Variants in NTRK1 observed in about 807,000 individuals in gnomAD.
The protein encoded by NTRK1 is high affinity nerve growth factor receptor.
NTRK1 carries 62 observed loss-of-function variants against 86.8 expected under a neutral mutation model. The observed-to-expected ratio is 0.71, with a 90% confidence interval of 0.58 to 0.88. NTRK1 has a LOEUF of 0.88. Ranked by LOEUF, NTRK1 falls within the 40% of genes least tolerant of loss-of-function variation. The pLI is 0.00. For synonymous variants in NTRK1, 469 were observed against 456.6 expected, an observed-to-expected ratio of 1.03 and a Z score of -0.35; for missense variants, 967 against 1,078.4, an observed-to-expected ratio of 0.90 and a Z score of 1.45.
intron 7 of NTRK1, among the ~76,000 whole-genome samples, chr1:156,873,233 A>T (rs1469857590): frequency 6.6e-6 from 1 of 151,766 alleles, no homozygotes; most frequent in East Asian, 1.9e-4. Context: ...ATTTAACTGT[A>T]TATATTTTTG....
intron 2 of NTRK1, chr1:156,845,393 G>A (rs1345045618): frequency 6.4e-7 from 1 of 1,566,042 alleles, no homozygotes; most frequent in South Asian, 1.2e-5. Context: ...CTTGTTGATG[G>A]ACGTCACCTT....
intron 2 of NTRK1, chr1:156,851,686 C>T (rs146358035): frequency 1.5e-5 from 25 of 1,614,078 alleles, no homozygotes; most frequent in Admixed American, 8.3e-5. Context: ...CCTCCACATG[C>T]GTGCAGCCCA....
intron 1 of NTRK1, among the ~76,000 whole-genome samples, chr1:156,822,030 C>T (rs918275338): frequency 2.0e-5 from 3 of 152,142 alleles, no homozygotes; most frequent in Non-Finnish European, 4.4e-5. Flanking sequence ...ACAGCTTTGA[C>T]GTCAGGCAGC....
At chr1:156,870,628 A>C (rs1015651796) in intron 6 of NTRK1, among the ~76,000 whole-genome samples, 3 of 152,214 alleles carry the variant, frequency 2.0e-5, no homozygotes, top group Non-Finnish European at 4.4e-5. Context: ...ACATATTCCA[A>C]TGGAAGCCTG....
At chr1:156,816,574 G>T in intron 1 of NTRK1, 1 of 1,303,066 alleles carries the variant, frequency 7.7e-7, no homozygotes, top group Non-Finnish European at 1.1e-6. Context: ...TTAGGGTGGG[G>T]CCCCTCATCC....
chr1:156,827,828 T>G (rs1241350487), intron 1 of NTRK1, among the ~76,000 whole-genome samples: 1 of 152,248 alleles, frequency 6.6e-6, no homozygotes, highest in Non-Finnish European at 1.5e-5. Flanking sequence ...TCCGTGGGTC[T>G]GCCATGTGTC....
At chr1:156,838,661 G>T (rs1654661202) in intron 1 of NTRK1, among the ~76,000 whole-genome samples, 1 of 152,198 alleles carries the variant, frequency 6.6e-6, no homozygotes, top group Admixed American at 6.5e-5. Flanking sequence ...GACAGCAATA[G>T]AGCTTATTTC....
intron 1 of NTRK1, among the ~76,000 whole-genome samples, chr1:156,832,955 C>T (rs541832129): frequency 2.6e-5 from 4 of 152,372 alleles, no homozygotes; most frequent in Admixed American, 2.0e-4. Context: ...GCAGGACCTA[C>T]TATGAGTGGG....
At chr1:156,862,137 T>C (rs777712643) in intron 1 of NTRK1, among the ~76,000 whole-genome samples, 2 of 152,188 alleles carry the variant, frequency 1.3e-5, no homozygotes, top group Admixed American at 6.5e-5. Flanking sequence ...TGTGCTGTGA[T>C]GGGCTGGAAG....
chr1:156,859,206 C>G (rs1372388719), upstream of NTRK1, among the ~76,000 whole-genome samples: 1 of 147,924 alleles, frequency 6.8e-6, no homozygotes, highest in Non-Finnish European at 1.5e-5. This position sits in a 1 kb window ranked among gnomAD's most constrained non-coding sequence, Gnocchi z 6.2. Flanking sequence ...TCCGTTCTCT[C>G]CACCCCTCCC....
chr1:156,816,735 A>C (rs372212885), intron 1 of NTRK1: 5 of 1,587,380 alleles, frequency 3.1e-6, no homozygotes, highest in Non-Finnish European at 4.3e-6. Context: ...GGGATCCCAG[A>C]GCAGGGTGTG....
Position 156,880,145 on chromosome 1 carries a change from C to T in NTRK1, c.2193C>T (p.Leu731=), listed in dbSNP as rs2102927872. The change falls in exon 16 of 17, where the codon CTC becomes CTT. Residue 731 remains leucine, a synonymous_variant. Transcript: ENST00000524377. ...ACGGCAAGCAGCCCTGGTACCAGCT[C>T]TCCAACACGGAGGTCAGCCCCGGCC... ...FTYGKQPWYQ[L]SNTEAIDCIT... 6.2e-7 allele frequency: 1 copy of T among 1,613,484 alleles called. No homozygotes were observed. The highest frequency in any genetic ancestry group is 8.5e-7 in the Non-Finnish European group (1 of 1,179,986).
intron 1 of NTRK1, chr1:156,837,804 C>G (rs879915059): frequency 6.6e-6 from 1 of 152,186 alleles, no homozygotes; most frequent in Non-Finnish European, 1.5e-5. Flanking sequence ...CCACACTGGG[C>G]CAAGGGCAAG....
intron 4 of NTRK1, 145 bp from the exon 5 acceptor site, chr1:156,867,959 C>T: frequency 1.1e-6 from 1 of 897,020 alleles, no homozygotes. Flanking sequence ...GAATAACATC[C>T]TGTTACTGGA....
Position 156,876,136 on chromosome 1 carries a change from G to A in NTRK1, c.1558G>A (p.Ala520Thr), listed in dbSNP as rs2102917447. 3 of 1,614,172 alleles carry A rather than the reference G, an allele frequency of 1.9e-6. No homozygotes were observed. The highest frequency in any genetic ancestry group is 2.5e-6 in the Non-Finnish European group (3 of 1,180,034). The change falls in exon 13 of 17, where the codon GCC becomes ACC. Residue 520 changes from alanine to threonine, a missense_variant. By Grantham distance (58) the Ala-to-Thr change is moderately conservative. Transcript: ENST00000524377. ...IVLKWELGEGAFGKVFLAECH... is the reference protein window; with the variant it reads ...IVLKWELGEGTFGKVFLAECH... Reference sequence around the variant, plus strand: ...GCTCAAGTGGGAGCTGGGGGAGGGCGCCTTTGGGAAGGTCTTCCTTGCTGA... The same window carrying A: ...GCTCAAGTGGGAGCTGGGGGAGGGCACCTTTGGGAAGGTCTTCCTTGCTGA...
intron 1 of NTRK1, among the ~76,000 whole-genome samples, chr1:156,817,047 T>TTCTCCCTCTC (rs148320709): frequency 8.8e-6 from 1 of 113,782 alleles, no homozygotes; most frequent in Non-Finnish European, 1.8e-5. Context: ...GAACTTCCCT[T>TTCTCCCTCTC]TCTCTCTCTC....
chr1:156,862,380 C>G (rs1450087204), intron 1 of NTRK1, among the ~76,000 whole-genome samples: 3 of 152,166 alleles, frequency 2.0e-5, no homozygotes, highest in African/African-American at 4.8e-5. Context: ...GTCCAGTTCT[C>G]TCATCACCCT....
At chr1:156,851,826 G>A (rs1655221519) in intron 2 of NTRK1, 8 of 1,588,572 alleles carry the variant, frequency 5.0e-6, no homozygotes, top group Non-Finnish European at 6.9e-6. Flanking sequence ...CCTTGGACCA[G>A]TTTGGGCCTC....
intron 15 of NTRK1, among the ~76,000 whole-genome samples, chr1:156,879,634 G>A (rs1448065606): frequency 2.0e-5 from 3 of 151,954 alleles, no homozygotes; most frequent in African/African-American, 4.8e-5. Context: ...TTTTTGAGAC[G>A]GCGTCTCACT....
Sources: allele counts gnomAD v4.1 joint callset (sites outside exome capture counted in the v4.1 genomes callset), GRCh38; gene constraint gnomAD v4.1.1; non-coding constraint Gnocchi (gnomAD v3.1); transcripts MANE v1.5; gene names NCBI Gene and HGNC (gene_info 2026-07-23, HGNC 2026-07-21).